CHRM3: variants seen among roughly 807,000 people sequenced by gnomAD.
The protein encoded by CHRM3 is muscarinic acetylcholine receptor M3.
In CHRM3, 11 loss-of-function variants were observed where a neutral mutation model predicts 41.8. The observed-to-expected ratio is 0.26, with a 90% confidence interval of 0.17 to 0.44. The LOEUF is 0.44. Among genes scored for constraint, CHRM3 ranks in the 20% least tolerant of loss-of-function variants. The pLI is 1.00. For synonymous variants in CHRM3, 297 were observed against 301.4 expected, an observed-to-expected ratio of 0.99 and a Z score of 0.15; for missense variants, 571 against 745.4, an observed-to-expected ratio of 0.77 and a Z score of 2.72.
intron 2 of CHRM3, among the ~76,000 whole-genome samples, chr1:239,543,516 T>A (rs947095477): frequency 1.3e-5 from 2 of 151,858 alleles, no homozygotes; most frequent in Admixed American, 6.6e-5. Flanking sequence ...TTATTTTATT[T>A]TTTTTTTTTG....
chr1:239,459,908 C>T (rs144528003), intron 1 of CHRM3, among the ~76,000 whole-genome samples: 8 of 152,270 alleles, frequency 5.3e-5, no homozygotes, highest in African/African-American at 1.7e-4. Flanking sequence ...TTGAAGTATT[C>T]ATTTTTATTT....
intron 6 of CHRM3, among the ~76,000 whole-genome samples, chr1:239,839,800 C>T (rs1179956972): frequency 7.3e-5 from 8 of 109,338 alleles, no homozygotes; most frequent in South Asian, 3.5e-4. Flanking sequence ...AGTGGCGGGG[C>T]GGGGGGGGAG....
intron 2 of CHRM3, among the ~76,000 whole-genome samples, chr1:239,496,510 A>AGTGT (rs71166874): frequency 0.097 from 14,053 of 144,882 alleles, 728 homozygotes; most frequent in Non-Finnish European, 0.11. Flanking sequence ...TAGTAATTCT[A>AGTGT]GTGTGTGTGT....
chr1:239,905,176 C>T (rs1447428902), intron 6 of CHRM3, among the ~76,000 whole-genome samples: 2 of 152,226 alleles, frequency 1.3e-5, no homozygotes, highest in East Asian at 3.9e-4. Flanking sequence ...TCAATTCCAC[C>T]TTAAGGAGGC....
intron 2 of CHRM3, among the ~76,000 whole-genome samples, chr1:239,526,535 G>C (rs1007314143): frequency 1.3e-5 from 2 of 152,090 alleles, no homozygotes; most frequent in Non-Finnish European, 2.9e-5. Context: ...CCCTGTGTGG[G>C]TTTGTCTTCC....
chr1:239,700,357 A>G (rs976270547), intron 5 of CHRM3, among the ~76,000 whole-genome samples: 29 of 152,288 alleles, frequency 1.9e-4, no homozygotes, highest in Admixed American at 1.9e-3. Context: ...GTTCAGTGAC[A>G]AGGAGCTCAC....
At chr1:239,806,224 TC>T (rs1670630237) in intron 5 of CHRM3, among the ~76,000 whole-genome samples, 1 of 152,214 alleles carries the variant, frequency 6.6e-6, no homozygotes, top group Non-Finnish European at 1.5e-5. Context: ...TGTCTGATCT[TC>T]CAGTCTCCCG....
At chr1:239,593,481 T>A (rs202016548) in intron 3 of CHRM3, among the ~76,000 whole-genome samples, 19 of 43,730 alleles carry the variant, frequency 4.3e-4, no homozygotes, top group African/African-American at 5.3e-4. Context: ...CATTTCTTTT[T>A]AAAAAAAAAA....
intron 3 of CHRM3, among the ~76,000 whole-genome samples, chr1:239,599,162 C>T (rs143491399): frequency 1.3e-3 from 200 of 152,304 alleles, no homozygotes; most frequent in African/African-American, 4.8e-3. Flanking sequence ...ATTTTCTGCT[C>T]TGCCAACTGC....
chr1:239,556,463 C>T (rs1660364979), intron 3 of CHRM3, among the ~76,000 whole-genome samples: 1 of 152,040 alleles, frequency 6.6e-6, no homozygotes, highest in Admixed American at 6.6e-5. Flanking sequence ...GATTAAGTTG[C>T]CCTTTTTTTC....
chr1:239,526,199 C>T (rs1420982332), intron 2 of CHRM3, among the ~76,000 whole-genome samples: 1 of 152,142 alleles, frequency 6.6e-6, no homozygotes, highest in African/African-American at 2.4e-5. Flanking sequence ...ATGTCCTTGC[C>T]TGTCACAGTC....
chr1:239,605,217 A>G (rs1207973795), intron 3 of CHRM3, among the ~76,000 whole-genome samples: 1 of 152,230 alleles, frequency 6.6e-6, no homozygotes, highest in Non-Finnish European at 1.5e-5. Flanking sequence ...ACATACTGAC[A>G]TTTCCATCAA....
rs1663346395 is a variant in CHRM3, at chr1:239,437,263, G to A, written c.-521+50036G>A. Among the ~76,000 whole-genome samples the A allele has an allele frequency of 2.0e-5, 3 of 152,190 alleles. 1 individual carries two copies. The highest frequency in any genetic ancestry group is 4.4e-5 in the Non-Finnish European group (3 of 68,008). On this transcript the variant is annotated intron_variant, in intron 1 of 6. Coordinates refer to ENST00000676153, the MANE Select transcript of CHRM3 (RefSeq NM_001375978.1). ...CAAGTAGCTAGGATTACACAGACAT[G>A]CCATTATATCTTGCTTTTTAAATTT...
In CHRM3 at chr1:239,477,125, G is replaced by A. The variant is rs140861392; in HGVS notation, c.-520-15584G>A. On this transcript the variant is annotated intron_variant, in intron 1 of 6. Coordinates refer to ENST00000676153, the MANE Select transcript of CHRM3 (RefSeq NM_001375978.1). Reference sequence around the variant, plus strand: ...TTATTACTTAAAATATGATTAAAGCGAACAGAATAATAGTGAATTAAATTA... The same window carrying A: ...TTATTACTTAAAATATGATTAAAGCAAACAGAATAATAGTGAATTAAATTA... Among the ~76,000 whole-genome samples, 64 of 152,236 alleles carry A rather than the reference G, an allele frequency of 4.2e-4. 1 individual carries two copies. The East Asian group carries it at 8.7e-3, about 21-fold the overall frequency.
At chr1:239,630,237 T>A (rs1573016463) in intron 3 of CHRM3, among the ~76,000 whole-genome samples, 1 of 152,362 alleles carries the variant, frequency 6.6e-6, no homozygotes, top group East Asian at 1.9e-4. Context: ...CTACTTAATT[T>A]TGTATAATAT....
At chr1:239,395,367 C>A (rs1659387539) in intron 1 of CHRM3, among the ~76,000 whole-genome samples, 1 of 152,152 alleles carries the variant, frequency 6.6e-6, no homozygotes, top group Non-Finnish European at 1.5e-5. Flanking sequence ...CTTCCTCATC[C>A]TGTTCCCCTC....
chr1:239,867,992 G>C (rs1432105045), intron 6 of CHRM3, among the ~76,000 whole-genome samples: 4 of 152,176 alleles, frequency 2.6e-5, no homozygotes, highest in Non-Finnish European at 5.9e-5. Flanking sequence ...TGTTTAGCCA[G>C]TCACAGGCAA....
chr1:239,819,860 G>T (rs1016585121), intron 5 of CHRM3, among the ~76,000 whole-genome samples: 2 of 152,114 alleles, frequency 1.3e-5, no homozygotes, highest in Admixed American at 1.3e-4. Flanking sequence ...GAGACAATGT[G>T]ATTGCCATGG....
At chr1:239,736,098 A>G (rs368260192) in intron 5 of CHRM3, among the ~76,000 whole-genome samples, 1 of 152,070 alleles carries the variant, frequency 6.6e-6, no homozygotes, top group Non-Finnish European at 1.5e-5. Flanking sequence ...AGTATCGACT[A>G]CTCCACTTTC....
Sources: gnomAD v4.1 joint callset for allele counts (sites outside exome capture counted in the v4.1 genomes callset) on GRCh38, gnomAD v4.1.1 for gene constraint, MANE v1.5 for transcripts, NCBI Gene and HGNC (gene_info 2026-07-23, HGNC 2026-07-21) for gene names.